Variants in PDE5A observed in about 807,000 individuals in gnomAD.
PDE5A encodes the protein phosphodiesterase 5A.
Under a neutral mutation model 110.2 loss-of-function variants are expected in PDE5A, and 67 were observed. The ratio of observed to expected loss-of-function variants is 0.61; its 90% CI spans 0.50 to 0.75. The LOEUF (loss-of-function observed/expected upper bound fraction) is 0.75, where lower values mean the gene tolerates loss of function less well. Among genes scored for constraint, PDE5A ranks in the 30% least tolerant of loss-of-function variants. PDE5A has a pLI of 0.00. For synonymous variants in PDE5A, 328 were observed against 351.2 expected, an observed-to-expected ratio of 0.93 and a Z score of 0.74; for missense variants, 862 against 1,045.1, an observed-to-expected ratio of 0.82 and a Z score of 2.42.
rs142032712 is a variant in PDE5A, at chr4:119,560,738, A to G, written c.1132-375T>C. 4.0e-3 allele frequency among the ~76,000 whole-genome samples: 602 copies of G among 152,346 alleles called. 4 individuals are homozygous for G. Among genetic ancestry groups the G allele is most frequent in the African/African-American group, 0.013 (550 of 41,584 alleles). On this transcript the variant is annotated intron_variant, in intron 6 of 20. Transcript: ENST00000354960. ...ATTGTTGTTAAATCCCAGGTAAAGA[A>G]TCCCTTCTTAAAAAGATGTTTCATT...
chr4:119,621,740 G>T (rs549113590), intron 1 of PDE5A, among the ~76,000 whole-genome samples: 1 of 152,112 alleles, frequency 6.6e-6, no homozygotes, highest in Non-Finnish European at 1.5e-5. Context: ...ACCCAATCCC[G>T]CAAGCAATTA....
At chr4:119,561,317 C>T (rs1303276599) in intron 6 of PDE5A, among the ~76,000 whole-genome samples, 1 of 152,102 alleles carries the variant, frequency 6.6e-6, no homozygotes, top group Non-Finnish European at 1.5e-5. Flanking sequence ...TGTTGATGTA[C>T]TTTTAAACAA....
At chr4:119,501,047 G>C (rs1052512813) in intron 20 of PDE5A, 123 bp downstream of exon 20, 2 of 617,208 alleles carry the variant, frequency 3.2e-6, no homozygotes, top group Admixed American at 2.9e-5. Flanking sequence ...AAACCATACT[G>C]CTAATAATTT....
chr4:119,628,236 C>T (rs1476537983), intron 1 of PDE5A, among the ~76,000 whole-genome samples: 1 of 144,368 alleles, frequency 6.9e-6, no homozygotes, highest in African/African-American at 2.5e-5. Flanking sequence ...CCCGTGAGCA[C>T]GGATGTATGA....
chr4:119,542,404 G>A, intron 10 of PDE5A, 55 bp downstream of exon 10: 1 of 1,519,326 alleles, frequency 6.6e-7, no homozygotes, highest in South Asian at 1.2e-5. Flanking sequence ...ATGAGGGAAA[G>A]GTAAAAGATG....
At position 119,578,049 on chromosome 4, in the gene PDE5A, A is replaced by G. The variant is rs1053992672; in HGVS notation, c.832-10905T>C. Among the ~76,000 whole-genome samples, 208 of 152,044 alleles carry G rather than the reference A, an allele frequency of 1.4e-3. 5 individuals carry two copies. The highest frequency in any genetic ancestry group is 4.4e-4 in the Non-Finnish European group (30 of 67,950). On this transcript the variant is annotated intron_variant, in intron 3 of 20. Coordinates refer to ENST00000354960, the MANE Select transcript of PDE5A (RefSeq NM_001083.4). ...GCATTCTCATACACCAATAACAGAC[A>G]AACAGAGAGCCAAATCATGAGTGAA...
chr4:119,587,379 ATTTTT>A (rs5861433), intron 3 of PDE5A, among the ~76,000 whole-genome samples: 1 of 139,134 alleles, frequency 7.2e-6, no homozygotes, highest in Admixed American at 7.2e-5. Flanking sequence ...ATTTTTTTGT[ATTTTT>A]TTTTTTTTTT....
Position 119,628,701 on chromosome 4 carries a change from T to C in PDE5A, c.-30A>G, listed in dbSNP as rs763640017. ...GGCACCGCGCGCCTCGGAGGCTCTC[T>C]GGTACTGCTTTTCCACCCCAGCTGG... On this transcript the variant is annotated 5_prime_UTR_variant, in exon 1 of 21. Transcript: ENST00000354960. 1.3e-5 allele frequency: 21 copies of C among 1,606,596 alleles called. No homozygotes were observed. Among genetic ancestry groups the C allele is most frequent in the Non-Finnish European group, 1.8e-5 (21 of 1,179,386 alleles).
intron 3 of PDE5A, among the ~76,000 whole-genome samples, chr4:119,592,875 A>G (rs1194334731): frequency 6.6e-6 from 1 of 152,154 alleles, no homozygotes; most frequent in Non-Finnish European, 1.5e-5. Context: ...GAGCACAGAG[A>G]GAGACATGAG....
At chr4:119,518,363 A>C (rs1725990333) in intron 14 of PDE5A, among the ~76,000 whole-genome samples, 1 of 152,196 alleles carries the variant, frequency 6.6e-6, no homozygotes, top group Non-Finnish European at 1.5e-5. Flanking sequence ...TGTCATCTCA[A>C]ATGCCACTTA....
intron 15 of PDE5A, 133 bp downstream of exon 15, chr4:119,510,914 G>A (rs535144324): frequency 1.9e-5 from 11 of 574,108 alleles, no homozygotes; most frequent in African/African-American, 5.7e-5. Context: ...TTTTGGCTTC[G>A]CCTTCCTTAC....
intron 14 of PDE5A, among the ~76,000 whole-genome samples, chr4:119,517,759 A>G (rs1725967787): frequency 6.6e-6 from 1 of 151,838 alleles, no homozygotes; most frequent in Non-Finnish European, 1.5e-5. Context: ...AATAATACAC[A>G]TACTAATAAT....
chr4:119,623,009 A>G (rs1730213104), intron 1 of PDE5A, among the ~76,000 whole-genome samples: 1 of 151,848 alleles, frequency 6.6e-6, no homozygotes, highest in Admixed American at 6.6e-5. Context: ...CCTACCACTC[A>G]GAGAAAATGA....
At chr4:119,523,631 A>G (rs1726206712) in intron 12 of PDE5A, among the ~76,000 whole-genome samples, 2 of 152,098 alleles carry the variant, frequency 1.3e-5, no homozygotes, top group South Asian at 4.1e-4. Flanking sequence ...TATTTTCCTC[A>G]TGGATAAAAA....
intron 14 of PDE5A, among the ~76,000 whole-genome samples, chr4:119,515,516 C>T (rs1725879464): frequency 1.3e-5 from 2 of 152,072 alleles, no homozygotes; most frequent in Non-Finnish European, 2.9e-5. Context: ...CTTCTAACTA[C>T]CACCCTATTT....
intron 5 of PDE5A, 104 bp downstream of exon 5, chr4:119,565,217 T>C (rs1447590890): frequency 2.2e-5 from 16 of 728,642 alleles, no homozygotes. Context: ...AGAAACTGAA[T>C]CTGTACTATC....
rs11942898 is a variant in PDE5A, at chr4:119,502,483, G to T, written c.2406+98C>A. On this transcript the variant is annotated intron_variant, in intron 19 of 20. Coordinates refer to ENST00000354960, the MANE Select transcript of PDE5A (RefSeq NM_001083.4). Reference sequence around the variant, plus strand: ...GTTTTAAAAAATAAAATGAGAAATTGTGGTCCTAAGGAAAGATCCCATAGA... The same window carrying T: ...GTTTTAAAAAATAAAATGAGAAATTTTGGTCCTAAGGAAAGATCCCATAGA... 94 of 666,206 alleles carry T rather than the reference G, an allele frequency of 1.4e-4. No homozygotes were observed. The African/African-American group carries it at 1.5e-3, about 11-fold the overall frequency. The allele number at this position is 666,206 out of a possible 1,614,324, so 41.3% of individuals were successfully genotyped here. A position where few individuals can be genotyped will look rare whatever the true frequency, so the allele number is the denominator to read the frequency against.
At chr4:119,615,521 G>A (rs1729906223) in intron 1 of PDE5A, among the ~76,000 whole-genome samples, 1 of 151,088 alleles carries the variant, frequency 6.6e-6, no homozygotes. Context: ...ACTGGGTTGG[G>A]ATATAGGCCA....
At chr4:119,514,540 A>G (rs1228252545) in intron 14 of PDE5A, among the ~76,000 whole-genome samples, 2 of 151,100 alleles carry the variant, frequency 1.3e-5, no homozygotes, top group Non-Finnish European at 2.9e-5. Flanking sequence ...AATATTCATA[A>G]TGATGATTCA....
Sources: gnomAD v4.1 joint callset for allele counts (sites outside exome capture counted in the v4.1 genomes callset) on GRCh38, gnomAD v4.1.1 for gene constraint, MANE v1.5 for transcripts, NCBI Gene and HGNC (gene_info 2026-07-23, HGNC 2026-07-21) for gene names.